Variants in ZMIZ1 observed in about 807,000 individuals in gnomAD.
ZMIZ1 encodes zinc finger MIZ-type containing 1, also known as zinc finger MIZ domain-containing protein 1.
In ZMIZ1, 17 loss-of-function variants were observed where a neutral mutation model predicts 113.9. That is an observed-to-expected ratio of 0.15 (90% CI 0.10 to 0.22). ZMIZ1 has a LOEUF of 0.22. Ranked by LOEUF, ZMIZ1 falls within the 10% of genes least tolerant of loss-of-function variation. The pLI, the probability that ZMIZ1 is intolerant of heterozygous loss-of-function variation, is 1.00. For synonymous variants in ZMIZ1, 607 were observed against 603.1 expected (o/e 1.01, Z -0.09); for missense variants, 1,059 against 1,477.8 (o/e 0.72, Z 4.65).
At chr10:79,102,340 G>T (rs1423654306) in intron 1 of ZMIZ1, among the ~76,000 whole-genome samples, 1 of 152,260 alleles carries the variant, frequency 6.6e-6, no homozygotes, top group African/African-American at 2.4e-5. Context: ...GGGCGCAGCA[G>T]CGTGACCTGA....
intron 8 of ZMIZ1, among the ~76,000 whole-genome samples, chr10:79,280,746 C>T (rs1852681004): frequency 1.8e-5 from 2 of 112,620 alleles, no homozygotes; most frequent in African/African-American, 3.3e-5. Flanking sequence ...AAGTACCCTC[C>T]CACATTTGAG....
At chr10:79,177,346 G>A (rs1038786068) in intron 4 of ZMIZ1, among the ~76,000 whole-genome samples, 3 of 152,268 alleles carry the variant, frequency 2.0e-5, no homozygotes, top group Admixed American at 6.5e-5. Flanking sequence ...CAGGCTCCTC[G>A]GCCCTGTCTT....
intron 2 of ZMIZ1, among the ~76,000 whole-genome samples, chr10:79,124,921 A>G (rs1406787199): frequency 6.6e-6 from 1 of 152,334 alleles, no homozygotes; most frequent in South Asian, 2.1e-4. Flanking sequence ...AAGAGACTGC[A>G]GGGCAGTGGC....
chr10:79,145,616 G>A (rs1845447593), intron 3 of ZMIZ1, among the ~76,000 whole-genome samples: 1 of 152,256 alleles, frequency 6.6e-6, no homozygotes, highest in Non-Finnish European at 1.5e-5. Flanking sequence ...ACAGTGGGGT[G>A]GGGGATTGGT....
chr10:79,267,803 A>G (rs763981150), intron 7 of ZMIZ1, among the ~76,000 whole-genome samples: 108 of 152,290 alleles, frequency 7.1e-4, no homozygotes, highest in Admixed American at 2.1e-3. Context: ...GGTTCCTCAC[A>G]CCAGGCCAGT....
At chr10:79,252,829 A>G (rs1850636577) in intron 7 of ZMIZ1, among the ~76,000 whole-genome samples, 2 of 152,244 alleles carry the variant, frequency 1.3e-5, no homozygotes, top group Admixed American at 1.3e-4. Flanking sequence ...CCGTCAGTAC[A>G]GCACTTAGTG....
At chr10:79,210,611 C>T (rs1341692669) in intron 6 of ZMIZ1, among the ~76,000 whole-genome samples, 1 of 152,198 alleles carries the variant, frequency 6.6e-6, no homozygotes, top group Non-Finnish European at 1.5e-5. Flanking sequence ...CTGAGGCTTG[C>T]TGTGTTCATG....
chr10:79,313,954 C>G lies in ZMIZ1; in HGVS notation c.*1205C>G. Reference sequence around the variant, plus strand: ...TCTGTCCCTGTGCTCCAAGCTGCCCCCGGCTGCAGCCCAGGCCATGGACAT... The same window carrying G: ...TCTGTCCCTGTGCTCCAAGCTGCCCGCGGCTGCAGCCCAGGCCATGGACAT... On this transcript the variant is annotated 3_prime_UTR_variant, in exon 25 of 25. Transcript: ENST00000334512. The G allele has an allele frequency of 2.3e-6, 1 of 429,232 alleles. No individual in the cohort carries two copies. Among genetic ancestry groups the G allele is most frequent in the South Asian group, 1.7e-5 (1 of 59,274 alleles). 26.6% of individuals were successfully genotyped at this position (429,232 alleles called of 1,614,324 possible). A position where few individuals can be genotyped will look rare whatever the true frequency, so the allele number is the denominator to read the frequency against.
chr10:79,299,181 C>G lies in ZMIZ1; in HGVS notation c.1798C>G (p.Leu600Val). 1 of 1,605,554 alleles carries G rather than the reference C, an allele frequency of 6.2e-7. No individual in the cohort carries two copies. The highest frequency in any genetic ancestry group is 8.5e-7 in the Non-Finnish European group (1 of 1,179,086). ...CCTGCGGCCCACGGTCCACCAGACG[C>G]TGATGTGGAGGTGCGTGTCAGGGCA... ...FHLRPTVHQT[L>V]MWRSDLELQF... The change falls in exon 16 of 25, where the codon CTG (leucine) becomes GTG (valine). Residue 600 changes from leucine (L) to valine (V), a missense_variant. Coordinates refer to ENST00000334512, the MANE Select transcript of ZMIZ1 (RefSeq NM_020338.4).
intron 5 of ZMIZ1, among the ~76,000 whole-genome samples, chr10:79,206,670 C>T (rs1407737771): frequency 6.6e-6 from 1 of 152,232 alleles, no homozygotes; most frequent in African/African-American, 2.4e-5. Context: ...TGCAGCTGTA[C>T]TTCCAGGAGA....
intron 4 of ZMIZ1, among the ~76,000 whole-genome samples, chr10:79,199,565 G>C (rs1208677545): frequency 1.3e-5 from 2 of 152,154 alleles, no homozygotes; most frequent in Non-Finnish European, 2.9e-5. Flanking sequence ...ATCATCAAGA[G>C]GGGGGAAAAG....
intron 1 of ZMIZ1, among the ~76,000 whole-genome samples, chr10:79,099,770 C>T (rs1251198744): frequency 6.6e-6 from 1 of 152,138 alleles, no homozygotes; most frequent in Admixed American, 6.5e-5. Flanking sequence ...AGTGTCCCTT[C>T]CTGCCAGAGG....
intron 2 of ZMIZ1, among the ~76,000 whole-genome samples, chr10:79,136,050 A>G (rs1173048577): frequency 6.6e-6 from 1 of 152,156 alleles, no homozygotes; most frequent in African/African-American, 2.4e-5. Context: ...TAGGGGGCCA[A>G]AAGGCACCTG....
chr10:79,298,977 A>G, intron 15 of ZMIZ1, 73 bp from the exon 16 acceptor site: 1 of 1,530,892 alleles, frequency 6.5e-7, no homozygotes, highest in South Asian at 1.3e-5. Flanking sequence ...CAGGGTGAGC[A>G]AGTCCCACCT....
intron 1 of ZMIZ1, among the ~76,000 whole-genome samples, chr10:79,070,217 G>A (rs1458224631): frequency 6.6e-6 from 1 of 152,066 alleles, no homozygotes; most frequent in Non-Finnish European, 1.5e-5. Context: ...AAACAGTGGG[G>A]AGCGCGGCCT....
chr10:79,095,044 C>T (rs1038440814), intron 1 of ZMIZ1, among the ~76,000 whole-genome samples: 27 of 151,966 alleles, frequency 1.8e-4, no homozygotes, highest in African/African-American at 5.8e-4. Context: ...CCAGAGAGGG[C>T]TGTCCCTGCC....
intron 7 of ZMIZ1, among the ~76,000 whole-genome samples, chr10:79,228,702 T>C (rs1046732679): frequency 5.9e-5 from 9 of 152,204 alleles, no homozygotes; most frequent in Non-Finnish European, 2.9e-5. Context: ...CCTCCTTGCC[T>C]CCACCATTTC....
chr10:79,183,226 C>T (rs965260035), intron 4 of ZMIZ1, among the ~76,000 whole-genome samples: 12 of 152,352 alleles, frequency 7.9e-5, no homozygotes, highest in African/African-American at 2.6e-4. Context: ...GAATTCACGA[C>T]GTGTCTGCCT....
chr10:79,188,589 C>T (rs1049013950), intron 4 of ZMIZ1, among the ~76,000 whole-genome samples: 2 of 152,124 alleles, frequency 1.3e-5, no homozygotes, highest in African/African-American at 4.8e-5. Flanking sequence ...TGGCCAGAGC[C>T]CAGCTTGGAG....
Sources: gnomAD v4.1 joint callset for allele counts (sites outside exome capture counted in the v4.1 genomes callset) on GRCh38, gnomAD v4.1.1 for gene constraint, MANE v1.5 for transcripts, NCBI Gene and HGNC (gene_info 2026-07-23, HGNC 2026-07-21) for gene names.